NR4A3: variants seen among roughly 807,000 people sequenced by gnomAD.
NR4A3 encodes the protein chondrosarcoma, extraskeletal myxoid, fused to EWS.
Under a neutral mutation model 55.6 loss-of-function variants are expected in NR4A3, and 13 were observed. The ratio of observed to expected loss-of-function variants is 0.23; its 90% CI spans 0.15 to 0.37. The LOEUF (loss-of-function observed/expected upper bound fraction) is 0.37. Among genes scored for constraint, NR4A3 ranks in the 10% least tolerant of loss-of-function variants. The probability of loss-of-function intolerance (pLI) is 1.00; values close to 1 mark genes in which losing one functional copy is unlikely to be tolerated. For missense variants in NR4A3, 646 were observed against 822.8 expected, an observed-to-expected ratio of 0.79 and a Z score of 2.63; for synonymous variants, 342 against 357.9, an observed-to-expected ratio of 0.96 and a Z score of 0.50.
Position 99,864,352 on chromosome 9 carries a change from C to A in NR4A3, c.*485C>A, listed in dbSNP as rs1335380351. On this transcript the variant is annotated 3_prime_UTR_variant, in exon 8 of 8. Transcript: ENST00000395097. ...ATCAAAGGTACGTATGTGGTGCAAA[C>A]AAGGCAGAAACTTCCTTTTAATTTC... 8.7e-6 allele frequency: 2 copies of A among 229,020 alleles called. No individual in the cohort carries two copies. Among genetic ancestry groups the A allele is most frequent in the South Asian group, 3.6e-4 (2 of 5,516 alleles). 14.2% of individuals were successfully genotyped at this position (229,020 alleles called of 1,614,324 possible).
intron 7 of NR4A3, among the ~76,000 whole-genome samples, chr9:99,858,100 A>G (rs1827958175): frequency 6.6e-6 from 1 of 152,142 alleles, no homozygotes; most frequent in African/African-American, 2.4e-5. Flanking sequence ...ATGGGAGGAG[A>G]AAAAAATCAC....
At chr9:99,861,963 G>A (rs991656547) in intron 7 of NR4A3, among the ~76,000 whole-genome samples, 2 of 151,218 alleles carry the variant, frequency 1.3e-5, no homozygotes, top group African/African-American at 4.9e-5. Context: ...GTATGGTGGT[G>A]CATGCCTATA....
chr9:99,828,355 C>T lies in NR4A3; in HGVS notation c.313C>T (p.His105Tyr). The T allele has an allele frequency of 6.2e-7, 1 of 1,602,112 alleles. No homozygotes were observed. The stretch of plus-strand genomic sequence containing the variant: ...CCATCACCACCACCACCACCACCAC[C>T]ACCACCATCACCAGCAGCAGCATCA... ...HHHHHHHHHH[H>Y]HHHQQQHQQP... The change falls in exon 3 of 8, where the codon CAC (histidine) becomes TAC (tyrosine). Residue 105 changes from histidine to tyrosine, a missense_variant. His to Tyr is a moderately conservative substitution (Grantham distance 83, BLOSUM62 2). Coordinates refer to ENST00000395097, the MANE Select transcript of NR4A3 (RefSeq NM_006981.4). The surrounding 1 kb of genome is among the most constrained non-coding windows in gnomAD (Gnocchi z 7.7).
Position 99,828,176 on chromosome 9 carries a change from C to G in NR4A3, c.134C>G (p.Thr45Ser). Residue 45 changes from threonine to serine, a missense_variant, in exon 3 of 8, where the codon ACT becomes AGT. This residue lies in a region of NR4A3 where 426 missense variants were observed against 429.4 expected (regional missense o/e 0.99). Coordinates refer to ENST00000395097, the MANE Select transcript of NR4A3 (RefSeq NM_006981.4). The surrounding 1 kb of genome is among the most constrained non-coding windows in gnomAD (Gnocchi z 7.7). The stretch of plus-strand genomic sequence containing the variant: ...AAGCTGACCATGGACCTTGGCAGCA[C>G]TGAGATCACGGCTACAGCCACCACG... ...YTKLTMDLGS[T>S]EITATATTSL... The G allele has an allele frequency of 6.2e-7, 1 of 1,614,156 alleles. No homozygotes were observed. The highest frequency in any genetic ancestry group is 8.5e-7 in the Non-Finnish European group (1 of 1,180,018).
chr9:99,851,428 A>C (rs763123388), intron 7 of NR4A3, among the ~76,000 whole-genome samples: 2 of 152,164 alleles, frequency 1.3e-5, no homozygotes, highest in Non-Finnish European at 2.9e-5. Context: ...CTTTTCTTAA[A>C]CCACAGAGAG....
At chr9:99,847,910 G>T (rs1233923730) in intron 7 of NR4A3, among the ~76,000 whole-genome samples, 4 of 152,152 alleles carry the variant, frequency 2.6e-5, no homozygotes, top group Admixed American at 2.6e-4. Context: ...CTGCTTCAGG[G>T]TTTGTTTGTT....
chr9:99,860,421 T>A (rs1827993060), intron 7 of NR4A3, among the ~76,000 whole-genome samples: 1 of 152,240 alleles, frequency 6.6e-6, no homozygotes, highest in Non-Finnish European at 1.5e-5. Flanking sequence ...TATACAGTTT[T>A]ATTCTTCTGT....
At chr9:99,836,765 A>T (rs950293628) in intron 5 of NR4A3, among the ~76,000 whole-genome samples, 1 of 152,220 alleles carries the variant, frequency 6.6e-6, no homozygotes, top group African/African-American at 2.4e-5. Context: ...TTTTAGTTTT[A>T]GCTTTTTGGG....
chr9:99,848,796 C>A (rs1163923597), intron 7 of NR4A3, among the ~76,000 whole-genome samples: 1 of 152,222 alleles, frequency 6.6e-6, no homozygotes, highest in East Asian at 1.9e-4. Flanking sequence ...GAAAGAATAT[C>A]ATCTCCCTGT....
At chr9:99,841,280 G>C (rs1432453570) in intron 5 of NR4A3, among the ~76,000 whole-genome samples, 2 of 151,528 alleles carry the variant, frequency 1.3e-5, no homozygotes, top group African/African-American at 4.9e-5. Flanking sequence ...TATGACATAG[G>C]ATCGTGCCGC....
chr9:99,822,744 C>G lies in NR4A3; in HGVS notation c.-177+337C>G, dbSNP rs1827205608. Among the ~76,000 whole-genome samples the G allele has an allele frequency of 6.6e-6, 1 of 152,096 alleles. No homozygotes were observed. The highest frequency in any genetic ancestry group is 2.4e-5 in the African/African-American group (1 of 41,396). The stretch of plus-strand genomic sequence containing the variant: ...CTCTAGTTGTCATGGTAATGATGCT[C>G]TCGGCGGCGGCGGCGGCGGCGGCAG... On this transcript the variant is annotated intron_variant, in intron 1 of 7. Coordinates refer to ENST00000395097, the MANE Select transcript of NR4A3 (RefSeq NM_006981.4). The surrounding 1 kb of genome is among the most constrained non-coding windows in gnomAD (Gnocchi z 4.9).
At chr9:99,863,429 T>G (rs1312050169) in intron 7 of NR4A3, among the ~76,000 whole-genome samples, 191 bp from the exon 8 acceptor site, 3 of 152,168 alleles carry the variant, frequency 2.0e-5, no homozygotes, top group Non-Finnish European at 4.4e-5. Context: ...AAGTAAGTGT[T>G]GGGACTGGGA....
Position 99,864,090 on chromosome 9 carries a change from T to TG in NR4A3, c.*228dup. ...GGGGTTGTGTTTTATATTTAGGCAT[T>TG]GGGGGATGGGGTGGGAGGGGGTTAT... On this transcript the variant is annotated 3_prime_UTR_variant, in exon 8 of 8. Transcript: ENST00000395097. The TG allele has an allele frequency of 2.8e-6, 1 of 360,476 alleles. No homozygotes were observed. Among genetic ancestry groups the TG allele is most frequent in the East Asian group, 4.9e-5 (1 of 20,472 alleles). 22.3% of individuals were successfully genotyped at this position (360,476 alleles called of 1,614,324 possible). A position where few individuals can be genotyped will look rare whatever the true frequency, so the allele number is the denominator to read the frequency against.
intron 7 of NR4A3, among the ~76,000 whole-genome samples, chr9:99,856,800 C>A (rs185918017): frequency 7.8e-4 from 118 of 152,238 alleles, no homozygotes; most frequent in African/African-American, 2.7e-3. Flanking sequence ...GCAGGGCCTG[C>A]CTAAACGGAT....
intron 5 of NR4A3, among the ~76,000 whole-genome samples, chr9:99,838,939 GATATAA>G (rs1827604685): frequency 6.6e-6 from 1 of 152,198 alleles, no homozygotes; most frequent in Non-Finnish European, 1.5e-5. Context: ...GAGCAATAGA[GATATAA>G]ATTTTCCTGA....
intron 7 of NR4A3, 77 bp from the exon 8 acceptor site, chr9:99,863,543 G>T: frequency 6.6e-7 from 1 of 1,515,958 alleles, no homozygotes. Context: ...ATGAGACACA[G>T]ACCTCAATTA....
intron 3 of NR4A3, 50 bp downstream of exon 3, chr9:99,829,043 G>A (rs781671119): frequency 1.2e-5 from 16 of 1,301,202 alleles, no homozygotes; most frequent in Non-Finnish European, 1.6e-5. Flanking sequence ...CTCACTGAAG[G>A]GAGCTTCTAA....
At chr9:99,857,811 G>A (rs1266300239) in intron 7 of NR4A3, among the ~76,000 whole-genome samples, 1 of 150,982 alleles carries the variant, frequency 6.6e-6, no homozygotes, top group Non-Finnish European at 1.5e-5. Context: ...GTAGAGTTCA[G>A]GTCTACAGCC....
intron 7 of NR4A3, among the ~76,000 whole-genome samples, chr9:99,853,469 C>A (rs796589143): frequency 2.2e-3 from 226 of 100,482 alleles, no homozygotes; most frequent in Middle Eastern, 8.3e-3. Flanking sequence ...CCAATGCTAT[C>A]CCTCCCCCCT....
Sources: allele counts gnomAD v4.1 joint callset (sites outside exome capture counted in the v4.1 genomes callset), GRCh38; gene constraint gnomAD v4.1.1; regional missense constraint gnomAD v4.1.1; non-coding constraint Gnocchi (gnomAD v3.1); transcripts MANE v1.5; gene names NCBI Gene and HGNC (gene_info 2026-07-23, HGNC 2026-07-21).